Variants in LSAMP observed in about 807,000 individuals in gnomAD.
LSAMP encodes the protein limbic system-associated membrane protein.
Under a neutral mutation model 38.6 loss-of-function variants are expected in LSAMP, and 7 were observed. The observed-to-expected ratio is 0.18, with a 90% CI of 0.10 to 0.34. The LOEUF (loss-of-function observed/expected upper bound fraction) is 0.34. Ranked by LOEUF, LSAMP falls within the 10% of genes least tolerant of loss-of-function variation. The probability of loss-of-function intolerance (pLI) is 1.00; values close to 1 mark genes in which losing one functional copy is unlikely to be tolerated. For missense variants in LSAMP, 313 were observed against 420.0 expected (o/e 0.75, Z 2.23); for synonymous variants, 154 against 166.8 (o/e 0.92, Z 0.59).
rs533963780 is a variant in LSAMP, at chr3:116,339,051, G to A, written c.155+105826C>T. Among the ~76,000 whole-genome samples, 4 of 152,144 alleles carry A rather than the reference G, an allele frequency of 2.6e-5. No individual in the cohort carries two copies. In the South Asian group the frequency reaches 8.3e-4, roughly 32 times the overall value. ...AGCTCTCAGGATTCTACTTGCAAAT[G>A]TAAAGGTGATATTTATAAAGGTTCA... On this transcript the variant is annotated intron_variant, in intron 1 of 6. Coordinates refer to ENST00000490035, the MANE Select transcript of LSAMP (RefSeq NM_002338.5).
chr3:116,091,207 A>C (rs1272924785), intron 1 of LSAMP, among the ~76,000 whole-genome samples: 1 of 152,202 alleles, frequency 6.6e-6, no homozygotes, highest in African/African-American at 2.4e-5. Context: ...GAAAGAAGAG[A>C]AATATGGCTC....
At chr3:116,091,105 T>A (rs1392152959) in intron 1 of LSAMP, among the ~76,000 whole-genome samples, 1 of 152,188 alleles carries the variant, frequency 6.6e-6, no homozygotes, top group Non-Finnish European at 1.5e-5. Context: ...GGGGGGCCAG[T>A]TCAGAGACCT....
intron 2 of LSAMP, among the ~76,000 whole-genome samples, chr3:116,025,945 C>T (rs1298891750): frequency 2.0e-5 from 3 of 151,876 alleles, no homozygotes; most frequent in Non-Finnish European, 1.5e-5. Context: ...TTAAAAAATA[C>T]ACATTTCTTT....
At chr3:115,928,321 C>T (rs1368602449) in intron 3 of LSAMP, among the ~76,000 whole-genome samples, 1 of 152,136 alleles carries the variant, frequency 6.6e-6, no homozygotes, top group Admixed American at 6.5e-5. Context: ...TTATTTAAAA[C>T]CACTGTTCAT....
intron 1 of LSAMP, among the ~76,000 whole-genome samples, chr3:116,137,454 C>T (rs1469156375): frequency 6.6e-6 from 1 of 152,054 alleles, no homozygotes; most frequent in Non-Finnish European, 1.5e-5. Context: ...GATGCTAAGA[C>T]TAACCAAAAG....
At chr3:116,009,405 A>G (rs1269480450) in intron 3 of LSAMP, among the ~76,000 whole-genome samples, 3 of 152,094 alleles carry the variant, frequency 2.0e-5, no homozygotes, top group Admixed American at 1.3e-4. Flanking sequence ...AGTCCTTCCA[A>G]TCGTCTTGGC....
intron 1 of LSAMP, among the ~76,000 whole-genome samples, chr3:116,347,301 T>C (rs2048076935): frequency 6.6e-6 from 1 of 152,176 alleles, no homozygotes; most frequent in Non-Finnish European, 1.5e-5. Flanking sequence ...ATCCTAACCC[T>C]TAACTTGAAG....
intron 1 of LSAMP, among the ~76,000 whole-genome samples, chr3:116,268,916 T>TAAAG (rs1553719317): frequency 6.6e-6 from 1 of 151,966 alleles, no homozygotes; most frequent in Non-Finnish European, 1.5e-5. Flanking sequence ...CCAACCAGAT[T>TAAAG]AAAGAATCTA....
intron 1 of LSAMP, among the ~76,000 whole-genome samples, chr3:116,245,906 A>G (rs2046600293): frequency 1.3e-5 from 2 of 152,178 alleles, no homozygotes; most frequent in South Asian, 4.1e-4. Context: ...CTCTAGTTCC[A>G]TGATTCTTTA....
chr3:116,333,693 G>A (rs1265620671), intron 1 of LSAMP, among the ~76,000 whole-genome samples: 1 of 151,818 alleles, frequency 6.6e-6, no homozygotes, highest in Non-Finnish European at 1.5e-5. Flanking sequence ...GAAATCACAA[G>A]TGAAATTAAA....
intron 3 of LSAMP, among the ~76,000 whole-genome samples, chr3:115,925,204 T>A (rs1430015396): frequency 6.6e-6 from 1 of 152,152 alleles, no homozygotes; most frequent in African/African-American, 2.4e-5. Flanking sequence ...ACACATGGGC[T>A]ACGGTGTCCA....
At chr3:115,817,193 G>A (rs1559834009) in intron 6 of LSAMP, among the ~76,000 whole-genome samples, 1 of 152,134 alleles carries the variant, frequency 6.6e-6, no homozygotes, top group African/African-American at 2.4e-5. Context: ...ACAACAACTC[G>A]AAAGGGACTC....
At chr3:116,306,029 C>A (rs564189726) in intron 1 of LSAMP, among the ~76,000 whole-genome samples, 1 of 151,044 alleles carries the variant, frequency 6.6e-6, no homozygotes, top group African/African-American at 2.4e-5. Flanking sequence ...CAATGTGAAG[C>A]TAATATCTCC....
chr3:115,997,733 T>C (rs907967828), intron 3 of LSAMP, among the ~76,000 whole-genome samples: 1 of 137,452 alleles, frequency 7.3e-6, no homozygotes, highest in African/African-American at 2.8e-5. Flanking sequence ...TATATATATA[T>C]ATATATATAT....
At chr3:115,985,540 C>T (rs1482063743) in intron 3 of LSAMP, among the ~76,000 whole-genome samples, 4 of 152,184 alleles carry the variant, frequency 2.6e-5, no homozygotes, top group Non-Finnish European at 4.4e-5. Flanking sequence ...ATACCTCGTA[C>T]CCATGTTATC....
chr3:115,849,585 T>C (rs1935266842), intron 4 of LSAMP, among the ~76,000 whole-genome samples: 1 of 152,144 alleles, frequency 6.6e-6, no homozygotes, highest in African/African-American at 2.4e-5. Flanking sequence ...CCAAAGCCTG[T>C]GTTTTGAAAA....
intron 3 of LSAMP, among the ~76,000 whole-genome samples, chr3:115,925,146 G>C (rs946801036): frequency 2.0e-5 from 3 of 152,268 alleles, no homozygotes; most frequent in Non-Finnish European, 4.4e-5. Context: ...CTAGGCCTGG[G>C]GGGTGAACAA....
chr3:115,948,594 A>G (rs1938178435), intron 3 of LSAMP, among the ~76,000 whole-genome samples: 1 of 152,224 alleles, frequency 6.6e-6, no homozygotes, highest in Non-Finnish European at 1.5e-5. Flanking sequence ...AATAATAGTG[A>G]CACAACTTAT....
intron 1 of LSAMP, among the ~76,000 whole-genome samples, chr3:116,373,011 G>T (rs1442677596): frequency 1.3e-5 from 2 of 151,340 alleles, no homozygotes; most frequent in African/African-American, 4.8e-5. Flanking sequence ...CACCAGTTTG[G>T]TAATTCCTCA....
Sources: allele counts gnomAD v4.1 joint callset (sites outside exome capture counted in the v4.1 genomes callset), GRCh38; gene constraint gnomAD v4.1.1; transcripts MANE v1.5; gene names NCBI Gene and HGNC (gene_info 2026-07-23, HGNC 2026-07-21).